The following SGSM3 variants were observed in gnomAD, a reference collection of about 807,000 sequenced individuals.
The protein encoded by SGSM3 is small G protein signaling modulator 3, also known as RUN and SH3 containing 3.
A neutral mutation model predicts 100.5 loss-of-function variants in SGSM3; 96 were observed. That is an observed-to-expected ratio of 0.96 (90% CI 0.81 to 1.13). The LOEUF (loss-of-function observed/expected upper bound fraction) is 1.13. SGSM3 is among the 50% of genes most tolerant of loss of function. SGSM3 has a pLI of 0.00. For synonymous variants in SGSM3, 483 were observed against 422.8 expected (o/e 1.14, Z -1.75); for missense variants, 1,001 against 1,015.8 (o/e 0.99, Z 0.20).
intron 1 of SGSM3, among the ~76,000 whole-genome samples, chr22:40,389,916 G>GAAAAAAAAAAAA (rs34606137): frequency 9.5e-6 from 1 of 104,936 alleles, no homozygotes. Context: ...AAAAAAAAAA[G>GAAAAAAAAAAAA]AAAAAAAAAA....
At chr22:40,379,677 C>G (rs1395845488) in intron 1 of SGSM3, among the ~76,000 whole-genome samples, 12 of 152,102 alleles carry the variant, frequency 7.9e-5, no homozygotes, top group Admixed American at 7.9e-4. Context: ...GTAGTTATCT[C>G]TTTATTTCTT....
At position 40,410,252 on chromosome 22, in the gene SGSM3, A is replaced by ACCC. The variant is rs1302289773; in HGVS notation, c.*495_*497dup. On this transcript the variant is annotated 3_prime_UTR_variant, in exon 22 of 22. Transcript: ENST00000248929. Reference sequence around the variant, plus strand: ...GACCCGGGACCCAGCTGTGCTACCCACCCCTTCCATGGACTGAATAAGATG... The same window carrying ACCC: ...GACCCGGGACCCAGCTGTGCTACCCACCCCCCCTTCCATGGACTGAATAAGATG... 2.7e-5 allele frequency: 25 copies of ACCC among 915,618 alleles called. No individual in the cohort carries two copies. Among genetic ancestry groups the ACCC allele is most frequent in the Non-Finnish European group, 3.4e-5 (25 of 745,804 alleles). The allele number at this position is 915,618 out of a possible 1,614,324, so 56.7% of individuals were successfully genotyped here.
Position 40,388,953 on chromosome 22 carries a change from G to A in SGSM3, c.-111-11743G>A, listed in dbSNP as rs556649568. 2.6e-3 allele frequency among the ~76,000 whole-genome samples: 392 copies of A among 152,268 alleles called. 2 individuals are homozygous for A. Among genetic ancestry groups the A allele is most frequent in the Non-Finnish European group, 3.7e-3 (249 of 68,014 alleles). On this transcript the variant is annotated intron_variant, in intron 1 of 21. Transcript: ENST00000248929. The stretch of plus-strand genomic sequence containing the variant: ...AGTTAACTTGGAGCGTGGCAAATTC[G>A]AAGAATATGGAGGAGCTGCCCACCA...
At chr22:40,394,645 CAAAA>C (rs34700924) in intron 1 of SGSM3, among the ~76,000 whole-genome samples, 8 of 84,118 alleles carry the variant, frequency 9.5e-5, no homozygotes, top group Admixed American at 1.2e-4. Flanking sequence ...ACTCCTGTCT[CAAAA>C]AAAAAAAAAA....
At chr22:40,383,640 A>T (rs1435311061) in intron 1 of SGSM3, among the ~76,000 whole-genome samples, 1 of 152,144 alleles carries the variant, frequency 6.6e-6, no homozygotes, top group African/African-American at 2.4e-5. Flanking sequence ...AAAGGCACAG[A>T]GGCATGTTGA....
intron 1 of SGSM3, 37 bp from the exon 2 acceptor site, chr22:40,400,658 TA>T: frequency 1.2e-6 from 1 of 822,588 alleles, no homozygotes; most frequent in Non-Finnish European, 1.9e-6. Flanking sequence ...AAAATAAAAA[TA>T]AAAATAGAAT....
At chr22:40,394,969 CTG>C (rs2049861396) in intron 1 of SGSM3, among the ~76,000 whole-genome samples, 1 of 152,144 alleles carries the variant, frequency 6.6e-6, no homozygotes, top group Non-Finnish European at 1.5e-5. Flanking sequence ...CTAATAATAA[CTG>C]GCATTTATTA....
In SGSM3 at chr22:40,410,153, C is replaced by T; in HGVS notation, c.*394C>T. The T allele has an allele frequency of 9.0e-7, 1 of 1,106,062 alleles. No individual in the cohort carries two copies. Among genetic ancestry groups the T allele is most frequent in the Non-Finnish European group, 1.1e-6 (1 of 907,512 alleles). The allele number at this position is 1,106,062 out of a possible 1,614,324, so 68.5% of individuals were successfully genotyped here. On this transcript the variant is annotated 3_prime_UTR_variant, in exon 22 of 22. Transcript: ENST00000248929. ...GCAGCTAGGGCTGCAGAGCTGTATT[C>T]AGGTCCAAGGTTCTGCCCTTCCTTG... is the stretch of plus-strand genomic sequence containing the variant.
In SGSM3 at chr22:40,405,785, G is replaced by A. The variant is rs199978228; in HGVS notation, c.755G>A (p.Arg252His). Residue 252 changes from arginine to histidine, a missense_variant, in exon 8 of 22, where the codon CGC becomes CAC. Transcript: ENST00000248929. ...LGVQTDQRVL[R>H]HLIVQYLPRL... The stretch of plus-strand genomic sequence containing the variant: ...GTCCAGACTGACCAGCGGGTCCTGC[G>A]CCACCTCATTGTCCAGTACCTGCCT... 17 of 1,613,612 alleles carry A rather than the reference G, an allele frequency of 1.1e-5. No individual in the cohort carries two copies. Among genetic ancestry groups the A allele is most frequent in the Non-Finnish European group, 1.4e-5 (16 of 1,179,960 alleles).
chr22:40,405,616 G>A (rs754475854), intron 7 of SGSM3, 33 bp from the exon 8 acceptor site: 5 of 1,591,452 alleles, frequency 3.1e-6, no homozygotes, highest in African/African-American at 2.7e-5. Flanking sequence ...CAAAGACCTG[G>A]GTAGAAGGCC....
rs376206447 is a variant in SGSM3, at chr22:40,407,576, G to A, written c.1524+8G>A. 1.2e-6 allele frequency: 2 copies of A among 1,601,066 alleles called. No individual in the cohort carries two copies. Among genetic ancestry groups the A allele is most frequent in the African/African-American group, 2.7e-5 (2 of 74,912 alleles). On this transcript the variant is annotated splice_region_variant and intron_variant, in intron 13 of 21. Coordinates refer to ENST00000248929, the MANE Select transcript of SGSM3 (RefSeq NM_015705.6). This position sits in a 1 kb window ranked among gnomAD's most constrained non-coding sequence, Gnocchi z 4.7. ...AAGAACGACATCATCACAGTGCGTG[G>A]GGGCGCTGGACTACCAGGTCCTCAG...
At chr22:40,404,907 A>G (rs761449921) in intron 6 of SGSM3, among the ~76,000 whole-genome samples, 46 of 152,156 alleles carry the variant, frequency 3.0e-4, no homozygotes, top group Middle Eastern at 3.2e-3. Flanking sequence ...GACTCTAAAT[A>G]TAGACTCCAG....
intron 1 of SGSM3, among the ~76,000 whole-genome samples, chr22:40,394,211 G>C (rs56153185): frequency 0.033 from 5,087 of 152,286 alleles, 131 homozygotes; most frequent in Non-Finnish European, 0.055. Flanking sequence ...GTGCAAACTT[G>C]ACATCTCCAC....
At chr22:40,387,463 CTATATT>C (rs1187708216) in intron 1 of SGSM3, 3 of 350,560 alleles carry the variant, frequency 8.6e-6, no homozygotes, top group South Asian at 1.5e-4. Flanking sequence ...ACTGTGTAAA[CTATATT>C]TATGATCTCC....
chr22:40,406,659 T>C lies in SGSM3; in HGVS notation c.1182T>C (p.Ser394=), dbSNP rs2051572642. The part of the protein sequence containing the change: ...LLGAGTLTNL[S]QVVRRRTQRR... ...GGGCCGGCACCCTCACCAACCTCTC[T>C]CAGGTGGCCCAGGATGGGGGGCCGC... The change falls in exon 10 of 22, where the codon TCT becomes TCC. Residue 394 remains serine, a synonymous_variant. Coordinates refer to ENST00000248929, the MANE Select transcript of SGSM3 (RefSeq NM_015705.6). 6.2e-7 allele frequency: 1 copy of C among 1,606,422 alleles called. No homozygotes were observed. The highest frequency in any genetic ancestry group is 8.5e-7 in the Non-Finnish European group (1 of 1,175,406).
intron 1 of SGSM3, chr22:40,376,264 G>A (rs192519424): frequency 1.5e-5 from 2 of 137,832 alleles, no homozygotes; most frequent in East Asian, 2.1e-4. Flanking sequence ...TTCAACTTAC[G>A]GCTCTGCTGC....
chr22:40,401,734 C>A, intron 3 of SGSM3, 59 bp downstream of exon 3: 1 of 1,448,032 alleles, frequency 6.9e-7, no homozygotes, highest in Non-Finnish European at 9.7e-7. Flanking sequence ...ATGAAGGGGA[C>A]CCAGCTCTGC....
chr22:40,386,562 CTTTTTTTT>C (rs60319316), intron 1 of SGSM3, among the ~76,000 whole-genome samples: 50 of 68,362 alleles, frequency 7.3e-4, no homozygotes, highest in African/African-American at 2.3e-3. Flanking sequence ...AATTTTCTTA[CTTTTTTTT>C]TTTTTTTTTT....
intron 1 of SGSM3, among the ~76,000 whole-genome samples, chr22:40,375,666 A>T (rs1427488038): frequency 2.7e-5 from 4 of 147,704 alleles, no homozygotes; most frequent in Admixed American, 1.3e-4. Context: ...AAGACAGAGA[A>T]TTTTTTTTTT....
Sources: gnomAD v4.1 joint callset for allele counts (sites outside exome capture counted in the v4.1 genomes callset) on GRCh38, gnomAD v4.1.1 for gene constraint, Gnocchi (gnomAD v3.1) non-coding constraint, MANE v1.5 for transcripts, NCBI Gene and HGNC (gene_info 2026-07-23, HGNC 2026-07-21) for gene names.